ADGRL3: variants seen among roughly 807,000 people sequenced by gnomAD.
The protein encoded by ADGRL3 is adhesion G protein-coupled receptor L3, also known as calcium-independent alpha-latrotoxin receptor 3.
A neutral mutation model predicts 153.5 loss-of-function variants in ADGRL3; 62 were observed. The ratio of observed to expected loss-of-function variants is 0.40; its 90% confidence interval spans 0.33 to 0.50. The LOEUF is 0.50. Among genes scored for constraint, ADGRL3 ranks in the 20% least tolerant of loss-of-function variants. The pLI, the probability that ADGRL3 is intolerant of heterozygous loss-of-function variation, is 0.47. For missense variants in ADGRL3, 1,641 were observed against 1,859.4 expected (o/e 0.88, Z 2.16); for synonymous variants, 710 against 672.5 (o/e 1.06, Z -0.86).
chr4:61,203,757 T>A (rs1364487946), intron 1 of ADGRL3, among the ~76,000 whole-genome samples: 1 of 152,238 alleles, frequency 6.6e-6, no homozygotes, highest in African/African-American at 2.4e-5. Flanking sequence ...TTCTAAATGA[T>A]CTGGACTTCT....
chr4:61,856,000 C>CCTG (rs2098259466), intron 9 of ADGRL3, among the ~76,000 whole-genome samples: 1 of 152,128 alleles, frequency 6.6e-6, no homozygotes, highest in Non-Finnish European at 1.5e-5. Flanking sequence ...GAGTCCAGAA[C>CCTG]TTAAACATGT....
At chr4:61,844,020 GAA>G (rs376497386) in intron 9 of ADGRL3, among the ~76,000 whole-genome samples, 38 of 119,898 alleles carry the variant, frequency 3.2e-4, no homozygotes, top group African/African-American at 5.9e-4. Flanking sequence ...ACCCTGTCTT[GAA>G]AAAAAAAAAA....
At chr4:61,438,769 G>A (rs2097487837) in intron 2 of ADGRL3, among the ~76,000 whole-genome samples, 1 of 148,360 alleles carries the variant, frequency 6.7e-6, no homozygotes, top group African/African-American at 2.5e-5. Context: ...GTGCAGTGGT[G>A]CGATCTCGGC....
intron 4 of ADGRL3, among the ~76,000 whole-genome samples, chr4:61,525,765 G>A (rs1297852066): frequency 6.6e-6 from 1 of 152,106 alleles, no homozygotes; most frequent in Non-Finnish European, 1.5e-5. Context: ...AATCAAAGAT[G>A]CTGAGGTGAC....
At chr4:61,269,059 T>C (rs1362959360) in intron 1 of ADGRL3, among the ~76,000 whole-genome samples, 1 of 151,718 alleles carries the variant, frequency 6.6e-6, no homozygotes, top group East Asian at 1.9e-4. Flanking sequence ...TTGTTGTTAC[T>C]TTAGTATTTA....
chr4:61,963,980 T>C (rs2098997430), intron 17 of ADGRL3, among the ~76,000 whole-genome samples: 2 of 152,208 alleles, frequency 1.3e-5, no homozygotes, highest in African/African-American at 4.8e-5. Context: ...ATAATAAGGA[T>C]GAACATCATT....
At chr4:61,573,937 G>A (rs2098849900) in intron 4 of ADGRL3, among the ~76,000 whole-genome samples, 1 of 151,912 alleles carries the variant, frequency 6.6e-6, no homozygotes, top group South Asian at 2.1e-4. Flanking sequence ...TGGCAGAATA[G>A]CAATACAAAA....
At chr4:61,558,516 C>G (rs2098779268) in intron 4 of ADGRL3, among the ~76,000 whole-genome samples, 1 of 151,774 alleles carries the variant, frequency 6.6e-6, no homozygotes, top group Non-Finnish European at 1.5e-5. Context: ...TTAGAGATCG[C>G]TCTCTCTCTA....
At chr4:61,745,868 T>G (rs1210556149) in intron 8 of ADGRL3, among the ~76,000 whole-genome samples, 5 of 152,058 alleles carry the variant, frequency 3.3e-5, no homozygotes, top group Admixed American at 6.5e-5. Context: ...AATATTAACT[T>G]TAAATGTAAA....
chr4:61,887,665 T>G (rs1170180670), intron 9 of ADGRL3, among the ~76,000 whole-genome samples: 1 of 151,968 alleles, frequency 6.6e-6, no homozygotes, highest in Non-Finnish European at 1.5e-5. Context: ...GTCAACATGG[T>G]GAAAACCTGT....
intron 4 of ADGRL3, among the ~76,000 whole-genome samples, chr4:61,555,049 G>A (rs1365625091): frequency 1.3e-5 from 2 of 152,072 alleles, no homozygotes; most frequent in Admixed American, 1.3e-4. Context: ...TCTTCTTCTT[G>A]GTATGGGAGA....
intron 2 of ADGRL3, among the ~76,000 whole-genome samples, chr4:61,453,360 T>A (rs1250131615): frequency 1.3e-5 from 2 of 152,154 alleles, no homozygotes; most frequent in Non-Finnish European, 2.9e-5. Context: ...AATTACATTC[T>A]CAATTCTTTT....
chr4:61,644,688 GAAGA>G (rs1023982370), intron 5 of ADGRL3, among the ~76,000 whole-genome samples: 1 of 152,118 alleles, frequency 6.6e-6, no homozygotes, highest in Non-Finnish European at 1.5e-5. Flanking sequence ...CATTTGCTGA[GAAGA>G]GCTTTACTTC....
Position 61,200,898 on chromosome 4 carries a change from C to T in ADGRL3, c.-1107C>T, listed in dbSNP as rs1303118495. 1.3e-5 allele frequency among the ~76,000 whole-genome samples: 2 copies of T among 151,960 alleles called. No individual in the cohort carries two copies. The highest frequency in any genetic ancestry group is 2.0e-4 in the East Asian group (1 of 5,082). ...ATCCACCCCACGGGCTCGGGGTTCG[C>T]CGGCCCCCGGGACGCAGCCCTCGGC... On this transcript the variant is annotated 5_prime_UTR_variant, in exon 1 of 27. Coordinates refer to ENST00000683033, the MANE Select transcript of ADGRL3 (RefSeq NM_001387552.1).
intron 5 of ADGRL3, among the ~76,000 whole-genome samples, chr4:61,635,122 G>A (rs760987684): frequency 6.6e-6 from 1 of 152,164 alleles, no homozygotes; most frequent in Non-Finnish European, 1.5e-5. Context: ...AAGTGGCAGA[G>A]ACAGTTTACC....
chr4:61,782,550 A>G (rs1277865501), intron 8 of ADGRL3, among the ~76,000 whole-genome samples: 2 of 152,178 alleles, frequency 1.3e-5, no homozygotes, highest in African/African-American at 4.8e-5. Context: ...ATGAGAAAAA[A>G]TATTTTAGAA....
intron 17 of ADGRL3, among the ~76,000 whole-genome samples, chr4:61,975,059 T>C (rs566083063): frequency 2.0e-5 from 3 of 152,298 alleles, no homozygotes; most frequent in East Asian, 1.9e-4. Flanking sequence ...AGCTGGAGGA[T>C]TGGTAATCAG....
At chr4:61,598,688 G>A (rs750979798) in intron 5 of ADGRL3, among the ~76,000 whole-genome samples, 3 of 152,096 alleles carry the variant, frequency 2.0e-5, no homozygotes, top group Non-Finnish European at 4.4e-5. Flanking sequence ...AACTTCTGAT[G>A]TAAGTATATA....
At chr4:61,834,769 T>C (rs577241012) in intron 9 of ADGRL3, among the ~76,000 whole-genome samples, 1 of 152,206 alleles carries the variant, frequency 6.6e-6, no homozygotes, top group East Asian at 1.9e-4. Context: ...AGTACTTACA[T>C]CCATAATTTT....
Sources: allele counts gnomAD v4.1 joint callset (sites outside exome capture counted in the v4.1 genomes callset), GRCh38; gene constraint gnomAD v4.1.1; transcripts MANE v1.5; gene names NCBI Gene and HGNC (gene_info 2026-07-23, HGNC 2026-07-21).